The following MROH2B variants were observed in gnomAD, a reference collection of about 807,000 sequenced individuals.
MROH2B encodes the protein maestro heat-like repeat-containing protein family member 2B.
Under a neutral mutation model 208.6 loss-of-function variants are expected in MROH2B, and 177 were observed. That is an observed-to-expected ratio of 0.85 (90% CI 0.75 to 0.96). The LOEUF (loss-of-function observed/expected upper bound fraction) is 0.96, where lower values mean the gene tolerates loss of function less well. MROH2B is among the 40% of genes least tolerant of loss of function. The pLI is 0.00. For missense variants in MROH2B, 2,002 were observed against 1,878.7 expected (o/e 1.07, Z -1.21); for synonymous variants, 728 against 659.0 (o/e 1.10, Z -1.60).
At chr5:41,009,542 G>C in intron 31 of MROH2B, 136 bp from the exon 32 acceptor site, 1 of 1,161,364 alleles carries the variant, frequency 8.6e-7, no homozygotes, top group Non-Finnish European at 1.2e-6. Context: ...CCATGCCTGG[G>C]GATAAGAAAG....
At chr5:41,045,625 A>G (rs931450932) in intron 18 of MROH2B, 121 bp downstream of exon 18, 2 of 671,394 alleles carry the variant, frequency 3.0e-6, no homozygotes, top group African/African-American at 5.1e-5. Flanking sequence ...AAAAGAGGGA[A>G]CTCTTTTTTT....
chr5:41,057,396 G>T (rs1301256376), intron 7 of MROH2B, 36 bp from the exon 8 acceptor site: 3 of 1,480,912 alleles, frequency 2.0e-6, no homozygotes, highest in Non-Finnish European at 2.8e-6. Context: ...GTTGGAGGCT[G>T]CCAGGGAAGC....
At chr5:41,049,825 G>T (rs139732579) in intron 13 of MROH2B, among the ~76,000 whole-genome samples, 237 of 152,304 alleles carry the variant, frequency 1.6e-3, no homozygotes, top group African/African-American at 5.4e-3. Context: ...ATTGGAGTGT[G>T]ACTTCCCCAG....
intron 29 of MROH2B, among the ~76,000 whole-genome samples, chr5:41,013,067 T>C (rs1215848986): frequency 2.0e-5 from 3 of 152,250 alleles, no homozygotes; most frequent in Non-Finnish European, 2.9e-5. Flanking sequence ...ATATGTACAT[T>C]ATAAAGTCCT....
In MROH2B at chr5:40,999,895, T is replaced by C. The variant is rs1008627335; in HGVS notation, c.4483-116A>G. On this transcript the variant is annotated intron_variant, in intron 39 of 41. Transcript: ENST00000399564. ...AGGCCAGTGAGCACTCACACAGCCATAAATTAATTGGCTGAAAATTGTCTT... is the reference window on the plus strand; with the variant it reads ...AGGCCAGTGAGCACTCACACAGCCACAAATTAATTGGCTGAAAATTGTCTT... 5 of 879,172 alleles carry C rather than the reference T, an allele frequency of 5.7e-6. No individual in the cohort carries two copies. The East Asian group carries it at 1.3e-4, about 23-fold the overall frequency. The allele number at this position is 879,172 out of a possible 1,614,324, so 54.5% of individuals were successfully genotyped here.
chr5:41,049,407 C>A lies in MROH2B; in HGVS notation c.1374G>T (p.Val458=), dbSNP rs1374078042. Residue 458 remains valine (V), a synonymous_variant, in exon 14 of 42, where the codon GTG becomes GTT. Transcript: ENST00000399564. The part of the protein sequence containing the change: ...QVLWPRILTF[V]VPAEYTEALE... ...GAGCTTCTGTGTATTCTGCAGGTAC[C>A]ACAAAAGTCAGGATCCTTGGCCATA... 6.2e-7 allele frequency: 1 copy of A among 1,613,112 alleles called. No homozygotes were observed.
At chr5:41,039,761 C>G (rs1368733203) in intron 19 of MROH2B, among the ~76,000 whole-genome samples, 1 of 152,094 alleles carries the variant, frequency 6.6e-6, no homozygotes, top group African/African-American at 2.4e-5. Flanking sequence ...GTAAACACAT[C>G]AATTCAGTAA....
chr5:41,051,295 T>C (rs1444523826), intron 12 of MROH2B, among the ~76,000 whole-genome samples: 1 of 152,186 alleles, frequency 6.6e-6, no homozygotes, highest in African/African-American at 2.4e-5. Flanking sequence ...AACACAACGC[T>C]TGCTAAAAGA....
intron 29 of MROH2B, among the ~76,000 whole-genome samples, chr5:41,013,626 A>T (rs1741843634): frequency 6.6e-6 from 1 of 152,182 alleles, no homozygotes; most frequent in African/African-American, 2.4e-5. Context: ...GAGTTATTAG[A>T]TCAAAGGACT....
intron 20 of MROH2B, 22 bp downstream of exon 20, chr5:41,039,426 T>C (rs1270557735): frequency 7.0e-7 from 1 of 1,423,114 alleles, no homozygotes; most frequent in Admixed American, 2.0e-5. Flanking sequence ...ACTGAGAATT[T>C]GAAGGAGATG....
intron 12 of MROH2B, 107 bp downstream of exon 12, chr5:41,052,358 C>A: frequency 3.7e-6 from 4 of 1,076,764 alleles, no homozygotes; most frequent in South Asian, 3.5e-5. Context: ...ATTTTTTACT[C>A]TACTCCTGTG....
Position 41,005,591 on chromosome 5 carries a change from G to A in MROH2B, c.3804C>T (p.Leu1268=). 1.2e-6 allele frequency: 2 copies of A among 1,612,052 alleles called. No individual in the cohort carries two copies. Among genetic ancestry groups the A allele is most frequent in the Admixed American group, 1.7e-5 (1 of 59,850 alleles). Residue 1268 remains leucine, a synonymous_variant, in exon 35 of 42, where the codon CTC becomes CTT. Coordinates refer to ENST00000399564, the MANE Select transcript of MROH2B (RefSeq NM_173489.5). ...GVILDIMEQL[L]SSLTSSSENY... is the part of the protein sequence containing the mutation. ...TCTCCGAGGAGGAGGTAAGAGATGA[G>A]AGCAGCTGTTCCATGATGTCCAGTA...
intron 6 of MROH2B, among the ~76,000 whole-genome samples, chr5:41,058,489 G>A (rs996829972): frequency 6.6e-6 from 1 of 151,444 alleles, no homozygotes; most frequent in South Asian, 2.1e-4. Flanking sequence ...ACAGAGTCTC[G>A]CTTTGTTGCC....
chr5:41,057,995 A>T, intron 7 of MROH2B, 68 bp downstream of exon 7: 1 of 1,387,504 alleles, frequency 7.2e-7, no homozygotes. Flanking sequence ...GTCTTTTGAG[A>T]CTTAAAAGCC....
In MROH2B at chr5:41,038,908, G is replaced by T. The variant is rs112634556; in HGVS notation, c.2062-20C>A. 2.7e-5 allele frequency: 43 copies of T among 1,586,986 alleles called. 1 individual carries two copies. The African/African-American group carries it at 3.5e-4, about 13-fold the overall frequency. On this transcript the variant is annotated intron_variant, in intron 20 of 41. Transcript: ENST00000399564. ...AAGGCTCTGAAGACCAGGAAAGGGA[G>T]ACATGAAAAATGTGACTGAAGGAGT...
intron 17 of MROH2B, 58 bp from the exon 18 acceptor site, chr5:41,045,911 A>T (rs1743105082): frequency 7.9e-7 from 1 of 1,273,342 alleles, no homozygotes; most frequent in South Asian, 1.5e-5. Context: ...CTTTCTTGGC[A>T]TATTTTTGGT....
At chr5:41,021,279 A>G (rs1366778433) in intron 24 of MROH2B, among the ~76,000 whole-genome samples, 4 of 152,254 alleles carry the variant, frequency 2.6e-5, no homozygotes, top group Non-Finnish European at 5.9e-5. Flanking sequence ...TTGTTGAAAG[A>G]AATGAAAGAA....
chr5:41,035,026 A>G (rs1321072475), intron 21 of MROH2B, among the ~76,000 whole-genome samples: 1 of 152,154 alleles, frequency 6.6e-6, no homozygotes, highest in African/African-American at 2.4e-5. Context: ...TACTGCCCAA[A>G]GCAGTTTACA....
chr5:41,028,654 T>G (rs325816), intron 24 of MROH2B, among the ~76,000 whole-genome samples: 116,569 of 152,084 alleles, frequency 0.77, 45,017 homozygotes, highest in Non-Finnish European at 0.82. Context: ...CTTTTTAAAG[T>G]CTGAATAATA....
Sources: allele counts gnomAD v4.1 joint callset (sites outside exome capture counted in the v4.1 genomes callset), GRCh38; gene constraint gnomAD v4.1.1; transcripts MANE v1.5; gene names NCBI Gene and HGNC (gene_info 2026-07-23, HGNC 2026-07-21).